Variants in DRC11 observed in about 807,000 individuals in gnomAD.
DRC11 encodes dynein regulatory complex subunit 11.
the DRC11 span, among the ~76,000 whole-genome samples, chr2:236,479,177 T>G: frequency 6.6e-6 from 1 of 152,204 alleles, no homozygotes; most frequent in Non-Finnish European, 1.5e-5. The surrounding 1 kb of genome is among the most constrained non-coding windows in gnomAD (Gnocchi z 4.1). Flanking sequence ...GTCCTTTTTT[T>G]CCATTTGCAT....
chr2:236,415,830 T>C, the DRC11 span, among the ~76,000 whole-genome samples: 3 of 152,262 alleles, frequency 2.0e-5, no homozygotes, highest in Admixed American at 6.5e-5. This position sits in a 1 kb window ranked among gnomAD's most constrained non-coding sequence, Gnocchi z 5.7. Flanking sequence ...AGCGAATTTT[T>C]AATTTGCAAG....
At chr2:236,406,535 C>G in the DRC11 span, among the ~76,000 whole-genome samples, 1 of 152,222 alleles carries the variant, frequency 6.6e-6, no homozygotes, top group Middle Eastern at 3.4e-3. The surrounding 1 kb of genome is among the most constrained non-coding windows in gnomAD (Gnocchi z 4.7). Context: ...GGGTCCGTAT[C>G]CTGGGGTGGG....
At chr2:236,308,097 C>T in the DRC11 span, among the ~76,000 whole-genome samples, 2 of 152,330 alleles carry the variant, frequency 1.3e-5, no homozygotes, top group East Asian at 1.9e-4. The surrounding 1 kb of genome is among the most constrained non-coding windows in gnomAD (Gnocchi z 6.0). Context: ...ATACAGACAT[C>T]GTGCTGTGCT....
chr2:236,469,427 T>C, the DRC11 span, among the ~76,000 whole-genome samples: 2 of 152,088 alleles, frequency 1.3e-5, no homozygotes, highest in Non-Finnish European at 2.9e-5. This position sits in a 1 kb window ranked among gnomAD's most constrained non-coding sequence, Gnocchi z 5.8. Context: ...ACATCTGTTA[T>C]TTGAGGTAAG....
the DRC11 span, among the ~76,000 whole-genome samples, chr2:236,356,808 C>A: frequency 6.6e-6 from 1 of 151,142 alleles, no homozygotes; most frequent in Non-Finnish European, 1.5e-5. Context: ...AGGCAACAGC[C>A]CTGCCTTATA....
the DRC11 span, among the ~76,000 whole-genome samples, chr2:236,459,697 A>G: frequency 0.036 from 4,820 of 132,788 alleles, 129 homozygotes; most frequent in East Asian, 0.12. Context: ...ACATATATAC[A>G]TATATACGTA....
chr2:236,349,996 A>C, the DRC11 span, among the ~76,000 whole-genome samples: 1 of 152,172 alleles, frequency 6.6e-6, no homozygotes, highest in Non-Finnish European at 1.5e-5. The surrounding 1 kb of genome is among the most constrained non-coding windows in gnomAD (Gnocchi z 5.5). Flanking sequence ...CATAGTGCCT[A>C]TTGGGGCCTC....
chr2:236,459,644 C>T, the DRC11 span, among the ~76,000 whole-genome samples: 90 of 137,448 alleles, frequency 6.5e-4, 2 homozygotes, highest in African/African-American at 1.5e-3. Flanking sequence ...TACGTATATA[C>T]GTATATATGT....
At chr2:236,320,282 G>A in the DRC11 span, among the ~76,000 whole-genome samples, 2 of 152,102 alleles carry the variant, frequency 1.3e-5, no homozygotes, top group African/African-American at 2.4e-5. Context: ...GCTTCGTTTC[G>A]CATCATCGCG....
the DRC11 span, among the ~76,000 whole-genome samples, chr2:236,355,675 T>C: frequency 2.0e-5 from 3 of 152,262 alleles, no homozygotes; most frequent in East Asian, 1.9e-4. Context: ...CTTACTGATA[T>C]TCACCTTGTA....
the DRC11 span, among the ~76,000 whole-genome samples, chr2:236,370,060 T>C: frequency 6.6e-6 from 1 of 152,184 alleles, no homozygotes; most frequent in Non-Finnish European, 1.5e-5. The surrounding 1 kb of genome is among the most constrained non-coding windows in gnomAD (Gnocchi z 5.5). Context: ...GCAGATAGAT[T>C]TCATTAAGAT....
the DRC11 span, among the ~76,000 whole-genome samples, chr2:236,466,395 G>A: frequency 6.6e-6 from 1 of 152,266 alleles, no homozygotes; most frequent in Admixed American, 6.5e-5. Context: ...ATTATGAGAT[G>A]TTCTGGTTTC....
At chr2:236,488,670 G>A in the DRC11 span, among the ~76,000 whole-genome samples, 6 of 152,084 alleles carry the variant, frequency 3.9e-5, no homozygotes, top group African/African-American at 1.4e-4. Flanking sequence ...AACTAATATC[G>A]AAATCATTTT....
chr2:236,357,130 GTATATTATATATCTATAT>G, the DRC11 span, among the ~76,000 whole-genome samples: 3 of 90,606 alleles, frequency 3.3e-5, no homozygotes, highest in East Asian at 8.1e-4. Flanking sequence ...TTATATATTC[GTATATTATATATCTATAT>G]ATTATGTATT....
chr2:236,317,259 G>A, the DRC11 span, among the ~76,000 whole-genome samples: 2 of 151,564 alleles, frequency 1.3e-5, no homozygotes, highest in South Asian at 2.1e-4. This position sits in a 1 kb window ranked among gnomAD's most constrained non-coding sequence, Gnocchi z 5.4. Context: ...TCGCGCCACT[G>A]CACTCCTGCC....
chr2:236,441,689 T>C, the DRC11 span, among the ~76,000 whole-genome samples: 5 of 152,204 alleles, frequency 3.3e-5, no homozygotes, highest in Non-Finnish European at 1.5e-5. Flanking sequence ...AGACAGATAG[T>C]ATTCTTAAAA....
the DRC11 span, among the ~76,000 whole-genome samples, chr2:236,447,207 T>A: frequency 6.6e-6 from 1 of 151,612 alleles, no homozygotes; most frequent in Non-Finnish European, 1.5e-5. This position sits in a 1 kb window ranked among gnomAD's most constrained non-coding sequence, Gnocchi z 4.6. Context: ...CATAGTCACA[T>A]GCAGACGTCC....
At chr2:236,491,032 T>C in the DRC11 span, among the ~76,000 whole-genome samples, 7 of 140,472 alleles carry the variant, frequency 5.0e-5, no homozygotes, top group African/African-American at 1.9e-4. Flanking sequence ...TATATGTGTG[T>C]ATATATATAT....
chr2:236,413,589 G>C, the DRC11 span, among the ~76,000 whole-genome samples: 520 of 152,328 alleles, frequency 3.4e-3, 1 homozygote, highest in African/African-American at 0.012. This position sits in a 1 kb window ranked among gnomAD's most constrained non-coding sequence, Gnocchi z 4.0. Context: ...AGGGATTGGA[G>C]AGGAGGAGCT....
Sources: gnomAD v4.1 joint callset for allele counts (sites outside exome capture counted in the v4.1 genomes callset) on GRCh38, gnomAD v4.1.1 for gene constraint, Gnocchi (gnomAD v3.1) non-coding constraint, MANE v1.5 for transcripts, NCBI Gene and HGNC (gene_info 2026-07-23, HGNC 2026-07-21) for gene names.